COL24A1: variants seen among roughly 807,000 people sequenced by gnomAD.
COL24A1 encodes collagen alpha-1(XXIV) chain.
In COL24A1, 224 loss-of-function variants were observed where a neutral mutation model predicts 253.9. The ratio of observed to expected loss-of-function variants is 0.88; its 90% CI spans 0.79 to 0.99. The LOEUF is 0.99. COL24A1 is among the 50% of genes least tolerant of loss of function. COL24A1 has a pLI of 0.00. For synonymous variants in COL24A1, 685 were observed against 673.7 expected, an observed-to-expected ratio of 1.02 and a Z score of -0.26; for missense variants, 2,131 against 2,068.5, an observed-to-expected ratio of 1.03 and a Z score of -0.59.
intron 24 of COL24A1, among the ~76,000 whole-genome samples, chr1:85,929,896 A>C (rs1350459572): frequency 4.3e-4 from 56 of 129,886 alleles, no homozygotes; most frequent in African/African-American, 1.6e-3. Context: ...GAGAACAAAG[A>C]CACCACATAC....
intron 22 of COL24A1, 28 bp downstream of exon 22, chr1:85,970,199 T>C (rs1296949705): frequency 6.4e-7 from 1 of 1,550,456 alleles, no homozygotes; most frequent in East Asian, 2.3e-5. Flanking sequence ...GAAAAGCACT[T>C]ATGGAAAATT....
At chr1:85,829,912 T>C (rs1458563425) in intron 43 of COL24A1, among the ~76,000 whole-genome samples, 2 of 152,160 alleles carry the variant, frequency 1.3e-5, no homozygotes, top group Admixed American at 6.6e-5. Context: ...TGAAGCCTTC[T>C]TCTCTGAGTT....
In COL24A1 at chr1:86,070,569, T is replaced by C. The variant is rs79010298; in HGVS notation, c.1708-6810A>G. On this transcript the variant is annotated intron_variant, in intron 7 of 59. Transcript: ENST00000370571. Reference sequence around the variant, plus strand: ...CCCTCAAATGTCAAAGATTAAAACATGATCCTAAAAGCAGTGAAAGAAAAG... The same window carrying C: ...CCCTCAAATGTCAAAGATTAAAACACGATCCTAAAAGCAGTGAAAGAAAAG... Among the ~76,000 whole-genome samples, 67 of 152,248 alleles carry C rather than the reference T, an allele frequency of 4.4e-4. 1 individual carries two copies. In the East Asian group the frequency reaches 0.013, roughly 29 times the overall value.
At chr1:85,757,468 T>C (rs1666386118) in intron 55 of COL24A1, among the ~76,000 whole-genome samples, 5 of 152,188 alleles carry the variant, frequency 3.3e-5, no homozygotes, top group Admixed American at 3.3e-4. Context: ...AATAATACAA[T>C]GACTATTAGT....
chr1:85,855,507 T>A (rs1406737652), intron 37 of COL24A1, among the ~76,000 whole-genome samples: 2 of 152,218 alleles, frequency 1.3e-5, no homozygotes, highest in Non-Finnish European at 2.9e-5. Flanking sequence ...ATGTGATGGA[T>A]CACATTTATT....
At chr1:86,043,644 C>T (rs1699671396) in intron 12 of COL24A1, among the ~76,000 whole-genome samples, 1 of 152,130 alleles carries the variant, frequency 6.6e-6, no homozygotes, top group Non-Finnish European at 1.5e-5. Flanking sequence ...TCTCCTGCCT[C>T]AGTCTCCTGA....
intron 18 of COL24A1, among the ~76,000 whole-genome samples, chr1:86,022,038 G>T (rs1697581886): frequency 6.6e-6 from 1 of 152,134 alleles, no homozygotes; most frequent in African/African-American, 2.4e-5. Context: ...CAGAAACTTG[G>T]CTTTGGCCTA....
At position 85,875,336 on chromosome 1, in the gene COL24A1, A is replaced by G; in HGVS notation, c.3031-6T>C. On this transcript the variant is annotated splice_region_variant and splice_polypyrimidine_tract_variant and intron_variant, in intron 33 of 59. Coordinates refer to ENST00000370571, the MANE Select transcript of COL24A1 (RefSeq NM_152890.7). The stretch of plus-strand genomic sequence containing the variant: ...CCCTCAGTGCCTGGAGGTCCCTACA[A>G]GAGAATAATTTAACACATTACAAAG... 6.2e-7 allele frequency: 1 copy of G among 1,612,880 alleles called. No homozygotes were observed. The highest frequency in any genetic ancestry group is 8.5e-7 in the Non-Finnish European group (1 of 1,178,948).
intron 20 of COL24A1, among the ~76,000 whole-genome samples, chr1:85,983,488 C>G (rs970877112): frequency 6.6e-6 from 1 of 151,776 alleles, no homozygotes; most frequent in African/African-American, 2.4e-5. Context: ...AAAATAAAAG[C>G]CTTCTTTATT....
intron 43 of COL24A1, among the ~76,000 whole-genome samples, chr1:85,837,132 A>C (rs1039583295): frequency 6.6e-5 from 10 of 152,198 alleles, no homozygotes; most frequent in Non-Finnish European, 1.2e-4. Context: ...TGGCTTCTCA[A>C]CTCGGAGAAA....
chr1:86,014,936 C>A (rs1322208354), intron 19 of COL24A1, among the ~76,000 whole-genome samples: 5 of 152,118 alleles, frequency 3.3e-5, no homozygotes, highest in Non-Finnish European at 7.4e-5. Context: ...TAATTCCTTT[C>A]TCTTGCTTAA....
intron 57 of COL24A1, 50 bp from the exon 58 acceptor site, chr1:85,737,555 C>G (rs765850866): frequency 7.9e-7 from 1 of 1,263,744 alleles, no homozygotes; most frequent in African/African-American, 1.5e-5. Context: ...ATGCCATAAT[C>G]CTTATAATTT....
intron 19 of COL24A1, among the ~76,000 whole-genome samples, chr1:85,994,368 T>C (rs957806520): frequency 6.6e-6 from 1 of 150,962 alleles, no homozygotes; most frequent in Non-Finnish European, 1.5e-5. Flanking sequence ...TAAATCCTAT[T>C]TGAATAATAA....
rs1335522868 is a variant in COL24A1 at position 86,095,403 on chromosome 1, T to G, written c.1600-3083A>C. On this transcript the variant is annotated intron_variant, in intron 5 of 59. Coordinates refer to ENST00000370571, the MANE Select transcript of COL24A1 (RefSeq NM_152890.7). ...GATTGAGTTAATTGATCAACTCATG[T>G]TTTAGAATGGGAATTTCAAGTCAGT... Among the ~76,000 whole-genome samples, 3 of 152,072 alleles carry G rather than the reference T, an allele frequency of 2.0e-5. No individual in the cohort carries two copies. In the East Asian group the frequency reaches 5.8e-4, roughly 29 times the overall value.
chr1:85,944,341 G>A (rs1689032090), intron 24 of COL24A1, among the ~76,000 whole-genome samples: 1 of 152,086 alleles, frequency 6.6e-6, no homozygotes, highest in African/African-American at 2.4e-5. Flanking sequence ...ATATTTGAGT[G>A]TTTATGCTTG....
chr1:86,099,069 C>T (rs1704233658), intron 5 of COL24A1, among the ~76,000 whole-genome samples: 1 of 152,034 alleles, frequency 6.6e-6, no homozygotes, highest in Admixed American at 6.6e-5. Flanking sequence ...CCATAAAATG[C>T]CTTGGTAAAT....
At chr1:85,731,517 A>T (rs1663468357) in intron 59 of COL24A1, among the ~76,000 whole-genome samples, 1 of 152,202 alleles carries the variant, frequency 6.6e-6, no homozygotes, top group Non-Finnish European at 1.5e-5. Context: ...TGATAACAAG[A>T]CCTAAAATTC....
chr1:85,927,837 G>C (rs1233175170), intron 24 of COL24A1, among the ~76,000 whole-genome samples: 1 of 129,488 alleles, frequency 7.7e-6, no homozygotes, highest in Admixed American at 8.0e-5. Flanking sequence ...CACCTCACAT[G>C]GCAGGGTATT....
At chr1:86,034,035 G>T in intron 12 of COL24A1, 112 bp from the exon 13 acceptor site, 1 of 695,488 alleles carries the variant, frequency 1.4e-6, no homozygotes, top group Non-Finnish European at 2.2e-6. Context: ...CTCTTAAACT[G>T]TAATGCAACA....
Sources: allele counts gnomAD v4.1 joint callset (sites outside exome capture counted in the v4.1 genomes callset), GRCh38; gene constraint gnomAD v4.1.1; transcripts MANE v1.5; gene names NCBI Gene and HGNC (gene_info 2026-07-23, HGNC 2026-07-21).